The following RIMS2 variants were observed in gnomAD, a reference collection of about 807,000 sequenced individuals.
The protein encoded by RIMS2 is regulating synaptic membrane exocytosis protein 2.
In RIMS2, 59 loss-of-function variants were observed where a neutral mutation model predicts 174.4. The ratio of observed to expected loss-of-function variants is 0.34; its 90% CI spans 0.27 to 0.42. The LOEUF is 0.42. RIMS2 is among the 10% of genes least tolerant of loss of function. RIMS2 has a pLI of 1.00. For missense variants in RIMS2, 1,620 were observed against 1,666.3 expected, an observed-to-expected ratio of 0.97 and a Z score of 0.48; for synonymous variants, 606 against 572.5, an observed-to-expected ratio of 1.06 and a Z score of -0.84.
chr8:104,230,884 C>T (rs1378516344), intron 19 of RIMS2, among the ~76,000 whole-genome samples: 1 of 148,138 alleles, frequency 6.8e-6, no homozygotes, highest in East Asian at 2.0e-4. Context: ...GGAAAATTTA[C>T]TCTTTTTTTT....
chr8:103,739,013 G>A, intron 2 of RIMS2, among the ~76,000 whole-genome samples: 1 of 152,184 alleles, frequency 6.6e-6, no homozygotes, highest in Non-Finnish European at 1.5e-5. Context: ...ATTTGACGTA[G>A]CCATCCCATT....
intron 16 of RIMS2, among the ~76,000 whole-genome samples, chr8:103,985,545 G>A (rs1307146891): frequency 3.4e-5 from 5 of 146,236 alleles, no homozygotes; most frequent in African/African-American, 5.1e-5. Flanking sequence ...ATGAATGCTT[G>A]AAGGGATGGA....
rs1320411619 is a variant in RIMS2, at chr8:103,697,260, T to A, written c.351T>A (p.Ala117=). Residue 117 remains alanine (A), a synonymous_variant, in exon 2 of 24, where the codon GCT becomes GCA. Transcript: ENST00000504942. ...CATATTGCCAAACAAAGTTCTGTGC[T>A]CGTTGTGGAGGTCGAGTGTCATTAC... The A allele has an allele frequency of 2.5e-6, 4 of 1,613,764 alleles. No individual in the cohort carries two copies. In the Admixed American group the frequency reaches 6.7e-5, roughly 27 times the overall value.
chr8:103,976,249 A>C (rs1274010056), intron 16 of RIMS2: 1 of 152,228 alleles, frequency 6.6e-6, no homozygotes, highest in African/African-American at 2.4e-5. Context: ...ATGCTATTCA[A>C]GGAAAAACAA....
chr8:103,918,420 T>A (rs1418930103), intron 8 of RIMS2, 21 bp from the exon 12 acceptor site: 1 of 1,474,302 alleles, frequency 6.8e-7, no homozygotes, highest in South Asian at 1.3e-5. Context: ...CTGTCTTTCT[T>A]TTTTTTTTTA....
At position 103,558,249 on chromosome 8, in the gene RIMS2, C is replaced by G. The variant is rs1464598379; in HGVS notation, c.176+57187C>G. 5.3e-5 allele frequency among the ~76,000 whole-genome samples: 8 copies of G among 152,270 alleles called. No individual in the cohort carries two copies. In the East Asian group the frequency reaches 1.5e-3, roughly 29 times the overall value. On this transcript the variant is annotated intron_variant, in intron 1 of 23. Transcript: ENST00000504942. ...TTTTATTTTATTTTTGAGACAGAGT[C>G]TTGCTCTGCCACCCAGGCTGGAGTG... is the stretch of plus-strand genomic sequence containing the variant.
intron 2 of RIMS2, among the ~76,000 whole-genome samples, chr8:103,734,014 C>CTTTTTTTTTTTTTTTTTT (rs59348302): frequency 2.3e-5 from 2 of 85,740 alleles, no homozygotes; most frequent in African/African-American, 5.4e-5. Flanking sequence ...CTAAAAGCTT[C>CTTTTTTTTTTTTTTTTTT]TTTTTTTTTT....
chr8:104,217,744 G>T (rs1374188661), intron 19 of RIMS2, among the ~76,000 whole-genome samples: 1 of 152,132 alleles, frequency 6.6e-6, no homozygotes, highest in Non-Finnish European at 1.5e-5. Flanking sequence ...TAAAACTGGG[G>T]ATGGAAGAAA....
chr8:103,745,464 A>G (rs2097800460), intron 2 of RIMS2, among the ~76,000 whole-genome samples: 2 of 152,094 alleles, frequency 1.3e-5, no homozygotes, highest in South Asian at 2.1e-4. Flanking sequence ...TTTGTTTTCA[A>G]TTATCTTGGA....
At chr8:103,815,343 T>C (rs1178246842) in intron 3 of RIMS2, among the ~76,000 whole-genome samples, 1 of 152,190 alleles carries the variant, frequency 6.6e-6, no homozygotes, top group Non-Finnish European at 1.5e-5. Flanking sequence ...TGCATTCTTT[T>C]GATTACTTTT....
intron 1 of RIMS2, among the ~76,000 whole-genome samples, chr8:103,584,032 C>G (rs2132965614): frequency 6.6e-6 from 1 of 152,206 alleles, no homozygotes; most frequent in East Asian, 1.9e-4. Context: ...AGAAGACTAC[C>G]TCAAGGCATT....
At chr8:103,663,261 A>G (rs963013458) in intron 1 of RIMS2, among the ~76,000 whole-genome samples, 2 of 152,158 alleles carry the variant, frequency 1.3e-5, no homozygotes, top group African/African-American at 4.8e-5. Context: ...GCATTATAAA[A>G]CAGAGAAACA....
chr8:104,088,231 T>C (rs971829170), intron 19 of RIMS2, among the ~76,000 whole-genome samples: 3 of 152,068 alleles, frequency 2.0e-5, no homozygotes, highest in Non-Finnish European at 2.9e-5. Flanking sequence ...GTACCTGCAA[T>C]TGTGTTACTA....
Position 104,013,956 on chromosome 8 carries a change from A to G in RIMS2, c.3224+335A>G, listed in dbSNP as rs79998887. Among the ~76,000 whole-genome samples the G allele has an allele frequency of 2.9e-3, 447 of 152,322 alleles. 16 individuals carry two copies. The East Asian group carries it at 0.075, about 26-fold the overall frequency. On this transcript the variant is annotated intron_variant, in intron 18 of 23. Transcript: ENST00000504942. ...ATTACACATCACTTTTCAAATCATC[A>G]TAATGATTATAAATAAAACTAGATT...
At chr8:104,067,959 T>C (rs1215345252) in intron 19 of RIMS2, among the ~76,000 whole-genome samples, 2 of 152,198 alleles carry the variant, frequency 1.3e-5, no homozygotes, top group Admixed American at 1.3e-4. Flanking sequence ...GCAGTATTAT[T>C]ACAAGAACCT....
intron 19 of RIMS2, chr8:104,223,562 C>T (rs2099166604): frequency 6.9e-7 from 1 of 1,447,028 alleles, no homozygotes; most frequent in Non-Finnish European, 9.1e-7. Flanking sequence ...GCTTCTGGCC[C>T]ACTGGTCCCG....
At chr8:103,988,584 C>G (rs562102923) in intron 16 of RIMS2, among the ~76,000 whole-genome samples, 34 of 152,244 alleles carry the variant, frequency 2.2e-4, no homozygotes, top group African/African-American at 8.2e-4. Context: ...CTTGGCCACC[C>G]GAGTAGCTGG....
chr8:103,720,349 T>C, intron 2 of RIMS2, among the ~76,000 whole-genome samples: 1 of 152,212 alleles, frequency 6.6e-6, no homozygotes, highest in East Asian at 1.9e-4. Context: ...ATTTAGCATA[T>C]ACTTAAAAGT....
intron 2 of RIMS2, among the ~76,000 whole-genome samples, chr8:103,765,253 A>C (rs917118720): frequency 6.6e-6 from 1 of 152,160 alleles, no homozygotes; most frequent in Non-Finnish European, 1.5e-5. Context: ...AGGATTTTTC[A>C]GAAAAGGGTG....
Sources: gnomAD v4.1 joint callset for allele counts (sites outside exome capture counted in the v4.1 genomes callset) on GRCh38, gnomAD v4.1.1 for gene constraint, MANE v1.5 for transcripts, NCBI Gene and HGNC (gene_info 2026-07-23, HGNC 2026-07-21) for gene names.